The following GULP1 variants were observed in gnomAD, a reference collection of about 807,000 sequenced individuals.
The protein encoded by GULP1 is GULP PTB domain containing engulfment adaptor 1.
GULP1 carries 19 observed loss-of-function variants against 40.9 expected under a neutral mutation model. The ratio of observed to expected loss-of-function variants is 0.46; its 90% CI spans 0.32 to 0.68. The LOEUF is 0.68. Among genes scored for constraint, GULP1 ranks in the 30% least tolerant of loss-of-function variants. The pLI is 0.03. For synonymous variants in GULP1, 119 were observed against 117.6 expected (o/e 1.01, Z -0.08); for missense variants, 312 against 362.2 (o/e 0.86, Z 1.12).
At chr2:188,488,831 A>G (rs2062088261) in intron 4 of GULP1, among the ~76,000 whole-genome samples, 1 of 152,032 alleles carries the variant, frequency 6.6e-6, no homozygotes, top group African/African-American at 2.4e-5. Context: ...GCATTCTGGA[A>G]CAAAATATTA....
chr2:188,319,078 CTT>C (rs1423308416), intron 1 of GULP1, among the ~76,000 whole-genome samples: 1 of 152,042 alleles, frequency 6.6e-6, no homozygotes, highest in Non-Finnish European at 1.5e-5. Flanking sequence ...TAGCAAATTC[CTT>C]TATTGGGAAC....
At chr2:188,498,912 T>C (rs1384515683) in intron 4 of GULP1, among the ~76,000 whole-genome samples, 2 of 151,506 alleles carry the variant, frequency 1.3e-5, no homozygotes, top group East Asian at 3.9e-4. Context: ...GAAATCTGGC[T>C]TTACGTGGAG....
chr2:188,593,969 A>T lies in GULP1; in HGVS notation c.873A>T (p.Glu291Asp), dbSNP rs1247898802. ...GGTTCAAAATGGGACTAACTCTTGA[A>T]GGCACAGTATTTTGTCTCGACCCGT... Reference protein sequence around the residue: ...QEGFKMGLTLEGTVFCLDPLD... With the variant: ...QEGFKMGLTLDGTVFCLDPLD... The change falls in exon 12 of 12, where the codon GAA becomes GAT. Residue 291 changes from glutamate (E) to aspartate (D), a missense_variant. Transcript: ENST00000409830. 1 of 1,599,056 alleles carries T rather than the reference A, an allele frequency of 6.3e-7. No homozygotes were observed. The highest frequency in any genetic ancestry group is 1.3e-5 in the African/African-American group (1 of 74,604).
intron 1 of GULP1, among the ~76,000 whole-genome samples, chr2:188,374,834 T>C (rs1259390655): frequency 6.6e-6 from 1 of 150,542 alleles, no homozygotes; most frequent in Non-Finnish European, 1.5e-5. Flanking sequence ...GGGTGTTGGG[T>C]GGTGACAGGA....
At chr2:188,296,121 G>A (rs921959866) in intron 1 of GULP1, among the ~76,000 whole-genome samples, 5 of 152,056 alleles carry the variant, frequency 3.3e-5, no homozygotes, top group African/African-American at 4.8e-5. Context: ...TTAGAGGCTG[G>A]TGGATCTAAT....
At chr2:188,514,411 A>G (rs2064971944) in intron 4 of GULP1, among the ~76,000 whole-genome samples, 2 of 152,138 alleles carry the variant, frequency 1.3e-5, no homozygotes, top group Admixed American at 6.5e-5. Context: ...TGCAGTTTCA[A>G]AGAACCTATT....
chr2:188,348,721 C>A (rs1253876076), intron 1 of GULP1, among the ~76,000 whole-genome samples: 1 of 152,054 alleles, frequency 6.6e-6, no homozygotes, highest in Non-Finnish European at 1.5e-5. Context: ...CACTCATCAC[C>A]CAGCTTCTCC....
At position 188,340,393 on chromosome 2, in the gene GULP1, G is replaced by A. The variant is rs556202138; in HGVS notation, c.-171-43370G>A. On this transcript the variant is annotated intron_variant, in intron 1 of 11. Coordinates refer to ENST00000409830, the MANE Select transcript of GULP1 (RefSeq NM_016315.4). ...GCAACAGGGGTGCCTTGCTTACTCAGCCCATAGCTCTCTACCCCTCGCGGG... is the reference window on the plus strand; with the variant it reads ...GCAACAGGGGTGCCTTGCTTACTCAACCCATAGCTCTCTACCCCTCGCGGG... Among the ~76,000 whole-genome samples, 40 of 152,254 alleles carry A rather than the reference G, an allele frequency of 2.6e-4. No homozygotes were observed. In the South Asian group the frequency reaches 7.9e-3, roughly 30 times the overall value.
At position 188,292,454 on chromosome 2, in the gene GULP1, G is replaced by C. The variant is rs940504213; in HGVS notation, c.-172+288G>C. 2.6e-5 allele frequency among the ~76,000 whole-genome samples: 4 copies of C among 152,228 alleles called. No individual in the cohort carries two copies. The highest frequency in any genetic ancestry group is 5.9e-5 in the Non-Finnish European group (4 of 68,040). ...ATGACTGGGGGAGTCCAGCGAGGTCGGGGACGCAGCGGTCTCCGGGCTCCA... is the reference window on the plus strand; with the variant it reads ...ATGACTGGGGGAGTCCAGCGAGGTCCGGGACGCAGCGGTCTCCGGGCTCCA... On this transcript the variant is annotated intron_variant, in intron 1 of 11. Transcript: ENST00000409830. This position sits in a 1 kb window ranked among gnomAD's most constrained non-coding sequence, Gnocchi z 4.0.
chr2:188,430,541 TG>T (rs1397022933), intron 2 of GULP1, among the ~76,000 whole-genome samples: 6 of 152,208 alleles, frequency 3.9e-5, no homozygotes, highest in Non-Finnish European at 5.9e-5. Flanking sequence ...GGAAGTTGCC[TG>T]GTTATAATGA....
intron 2 of GULP1, among the ~76,000 whole-genome samples, chr2:188,435,752 C>T (rs1559238030): frequency 6.6e-6 from 1 of 151,954 alleles, no homozygotes; most frequent in Non-Finnish European, 1.5e-5. Flanking sequence ...CATGCAGCTG[C>T]ACAATTTATG....
intron 1 of GULP1, among the ~76,000 whole-genome samples, chr2:188,331,414 A>G (rs1231046873): frequency 6.6e-6 from 1 of 152,126 alleles, no homozygotes; most frequent in African/African-American, 2.4e-5. Flanking sequence ...TGGCCATTTT[A>G]CTGTAGTGAT....
At chr2:188,528,955 A>G (rs935961026) in intron 5 of GULP1, 142 bp from the exon 6 acceptor site, 2 of 526,934 alleles carry the variant, frequency 3.8e-6, no homozygotes, top group Non-Finnish European at 6.8e-6. Context: ...TATTGAGACT[A>G]TCTTTATAAA....
chr2:188,497,277 A>G (rs554609020), intron 4 of GULP1, among the ~76,000 whole-genome samples: 5 of 152,048 alleles, frequency 3.3e-5, no homozygotes, highest in African/African-American at 7.2e-5. Context: ...AGTAAATTTC[A>G]TAAGTAATGT....
At chr2:188,373,690 T>A (rs1159062442) in intron 1 of GULP1, among the ~76,000 whole-genome samples, 2 of 152,126 alleles carry the variant, frequency 1.3e-5, no homozygotes, top group East Asian at 3.9e-4. Context: ...TTAGCTATTG[T>A]CTTTGGGAAG....
At chr2:188,544,948 T>A (rs1034420090) in intron 7 of GULP1, among the ~76,000 whole-genome samples, 1 of 151,928 alleles carries the variant, frequency 6.6e-6, no homozygotes, top group Non-Finnish European at 1.5e-5. Flanking sequence ...TATTCAAGCT[T>A]CTGAAAACTA....
chr2:188,500,878 T>C (rs952881993), intron 4 of GULP1, among the ~76,000 whole-genome samples: 1 of 151,974 alleles, frequency 6.6e-6, no homozygotes, highest in Admixed American at 6.6e-5. Context: ...GGGTAAAGGT[T>C]AGAGATTGAT....
At chr2:188,568,930 A>G (rs1170774956) in intron 7 of GULP1, among the ~76,000 whole-genome samples, 2 of 152,172 alleles carry the variant, frequency 1.3e-5, no homozygotes, top group Admixed American at 1.3e-4. Context: ...GGAAAAAACA[A>G]TACAATAAAA....
In GULP1 at chr2:188,554,988, G is replaced by A. The variant is rs1412241209; in HGVS notation, c.399+13670G>A. Among the ~76,000 whole-genome samples, 4 of 151,848 alleles carry A rather than the reference G, an allele frequency of 2.6e-5. No homozygotes were observed. In the East Asian group the frequency reaches 7.7e-4, roughly 29 times the overall value. On this transcript the variant is annotated intron_variant, in intron 7 of 11. Coordinates refer to ENST00000409830, the MANE Select transcript of GULP1 (RefSeq NM_016315.4). The stretch of plus-strand genomic sequence containing the variant: ...CTGCTTGCTTTTGGTTTTCATCTGT[G>A]TAGAATATCTTTTTCTGTCTCTTTA...
Sources: gnomAD v4.1 joint callset for allele counts (sites outside exome capture counted in the v4.1 genomes callset) on GRCh38, gnomAD v4.1.1 for gene constraint, Gnocchi (gnomAD v3.1) non-coding constraint, MANE v1.5 for transcripts, NCBI Gene and HGNC (gene_info 2026-07-23, HGNC 2026-07-21) for gene names.